RERGL: variants seen among roughly 807,000 people sequenced by gnomAD.
RERGL encodes ras-related and estrogen-regulated growth inhibitor-like protein.
Under a neutral mutation model 24.7 loss-of-function variants are expected in RERGL, and 22 were observed. That is an observed-to-expected ratio of 0.89 (90% CI 0.64 to 1.27). The LOEUF (loss-of-function observed/expected upper bound fraction) is 1.27, where lower values mean the gene tolerates loss of function less well. Among genes scored for constraint, RERGL ranks in the 50% most tolerant of loss-of-function variants. RERGL has a pLI of 0.00. For synonymous variants in RERGL, 76 were observed against 82.6 expected, an observed-to-expected ratio of 0.92 and a Z score of 0.43; for missense variants, 259 against 235.3, an observed-to-expected ratio of 1.10 and a Z score of -0.66.
Position 18,084,661 on chromosome 12 carries a change from T to G in RERGL, c.188A>C (p.Gln63Pro), listed in dbSNP as rs146218371. The G allele has an allele frequency of 1.9e-6, 3 of 1,608,464 alleles. No homozygotes were observed. Among genetic ancestry groups the G allele is most frequent in the Non-Finnish European group, 2.5e-6 (3 of 1,178,280 alleles). Residue 63 changes from glutamine to proline, a missense_variant, in exon 4 of 5, where the codon CAG becomes CCG. By Grantham distance (76) the Gln-to-Pro change is moderately conservative (BLOSUM62 -1). Transcript: ENST00000538724. ...ACTTGTGAGGGAGAATTTTGCTTTC[T>G]GTGTCTGAAAATAAACCAAGTGCAT... is the stretch of plus-strand genomic sequence containing the variant. ...LEIYDPCSQT[Q>P]KAKFSLTSEL...
intron 4 of RERGL, 95 bp from the exon 5 acceptor site, chr12:18,081,568 A>C (rs1438757234): frequency 8.3e-7 from 1 of 1,211,030 alleles, no homozygotes; most frequent in Non-Finnish European, 1.1e-6. Flanking sequence ...AAGGATTATA[A>C]ATCAAAAAAG....
rs1457839004 is a variant in RERGL, at chr12:18,090,151, T to C, written c.-11A>G. 6.5e-7 allele frequency: 1 copy of C among 1,531,316 alleles called. No individual in the cohort carries two copies. Among genetic ancestry groups the C allele is most frequent in the Admixed American group, 2.0e-5 (1 of 49,974 alleles). 94.9% of individuals were successfully genotyped at this position (1,531,316 alleles called of 1,614,324 possible). On this transcript the variant is annotated 5_prime_UTR_variant, in exon 1 of 5. Coordinates refer to ENST00000538724, the MANE Select transcript of RERGL (RefSeq NM_001286201.2). ...CTTCACATCATTCATCTTGCTTTTC[T>C]GCTTCTTGGTCAGTCCTATTTTCTG...
In RERGL at chr12:18,084,558, C is replaced by A. The variant is rs1349958233; in HGVS notation, c.291G>T (p.Leu97=). 1.9e-6 allele frequency: 3 copies of A among 1,611,394 alleles called. No individual in the cohort carries two copies. Among genetic ancestry groups the A allele is most frequent in the Non-Finnish European group, 1.7e-6 (2 of 1,178,886 alleles). The change falls in exon 4 of 5, where the codon CTG becomes CTT. Residue 97 remains leucine (L), a synonymous_variant. Transcript: ENST00000538724. Reference sequence around the variant, plus strand: ...TTTGTGGCTCCCGGATTCTGTAGATCAGCGCTTTTGCAAAAGCAAATGAAG... The same window carrying A: ...TTTGTGGCTCCCGGATTCTGTAGATAAGCGCTTTTGCAAAAGCAAATGAAG... ...DRSSFAFAKA[L]IYRIREPQTS... is the part of the protein sequence containing the mutation.
At chr12:18,081,522 T>G in intron 4 of RERGL, 49 bp from the exon 5 acceptor site, 1 of 1,344,358 alleles carries the variant, frequency 7.4e-7, no homozygotes, top group Non-Finnish European at 9.9e-7. Context: ...AACAACTCTT[T>G]TTTTTAAAAA....
At chr12:18,083,217 G>C (rs559900951) in intron 4 of RERGL, among the ~76,000 whole-genome samples, 1 of 152,118 alleles carries the variant, frequency 6.6e-6, no homozygotes, top group South Asian at 2.1e-4. Flanking sequence ...TAATGAAATA[G>C]TGATATATTT....
intron 2 of RERGL, among the ~76,000 whole-genome samples, chr12:18,087,156 CTGTTT>C (rs1947228550): frequency 3.9e-5 from 6 of 152,150 alleles, no homozygotes; most frequent in Non-Finnish European, 7.4e-5. Context: ...AGTCATCTTT[CTGTTT>C]CCATCCTTCC....
chr12:18,080,904 A>G lies in RERGL; in HGVS notation c.*287T>C, dbSNP rs554244466. 212 of 234,596 alleles carry G rather than the reference A, an allele frequency of 9.0e-4. 1 individual carries two copies. Among genetic ancestry groups the G allele is most frequent in the African/African-American group, 4.6e-3 (206 of 44,904 alleles). 14.5% of individuals were successfully genotyped at this position (234,596 alleles called of 1,614,324 possible). The stretch of plus-strand genomic sequence containing the variant: ...TCGTTTAATAAATTCACATAAACAG[A>G]GTTTATTTGGCAAGGCAAACTGGGA... On this transcript the variant is annotated 3_prime_UTR_variant, in exon 5 of 5. Transcript: ENST00000538724.
intron 3 of RERGL, 130 bp from the exon 4 acceptor site, chr12:18,084,795 A>G: frequency 1.6e-6 from 1 of 624,496 alleles, no homozygotes. Flanking sequence ...GATATTTTCT[A>G]AAATATAGTT....
chr12:18,083,921 G>A (rs1371822858), intron 4 of RERGL, among the ~76,000 whole-genome samples: 4 of 152,146 alleles, frequency 2.6e-5, no homozygotes, highest in Non-Finnish European at 5.9e-5. Context: ...CTTAAACTTT[G>A]ATCTACTAAT....
At chr12:18,083,629 A>G in intron 4 of RERGL, among the ~76,000 whole-genome samples, 1 of 152,164 alleles carries the variant, frequency 6.6e-6, no homozygotes. Flanking sequence ...AAGAATGTAC[A>G]TCATCTAACT....
intron 1 of RERGL, among the ~76,000 whole-genome samples, chr12:18,089,772 T>C (rs1947252885): frequency 6.6e-6 from 1 of 152,098 alleles, no homozygotes; most frequent in Non-Finnish European, 1.5e-5. Flanking sequence ...AAGTGAGAAG[T>C]AGGTGGGATA....
At chr12:18,084,790 T>C (rs534623029) in intron 3 of RERGL, 125 bp from the exon 4 acceptor site, 1 of 658,310 alleles carries the variant, frequency 1.5e-6, no homozygotes, top group South Asian at 3.2e-5. Context: ...ATATTGATAT[T>C]TTCTAAAATA....
intron 1 of RERGL, 125 bp downstream of exon 1, chr12:18,089,963 TA>T (rs1175204449): frequency 3.7e-5 from 23 of 625,546 alleles, no homozygotes; most frequent in Middle Eastern, 3.6e-4. Context: ...CCCAGTGAGA[TA>T]ATGTTATTAT....
intron 2 of RERGL, among the ~76,000 whole-genome samples, 155 bp from the exon 3 acceptor site, chr12:18,085,848 C>CT (rs1174192368): frequency 0.04 from 4,785 of 118,394 alleles, 185 homozygotes; most frequent in Non-Finnish European, 0.045. Flanking sequence ...AGATATGTTT[C>CT]TTTTTTTTTT....
intron 4 of RERGL, among the ~76,000 whole-genome samples, chr12:18,082,010 C>T (rs545769466): frequency 6.6e-6 from 1 of 151,876 alleles, no homozygotes; most frequent in African/African-American, 2.4e-5. Flanking sequence ...CGTGGTTGCA[C>T]GCACTTGTAG....
chr12:18,084,681 G>A lies in RERGL; in HGVS notation c.184-16C>T. On this transcript the variant is annotated splice_polypyrimidine_tract_variant and intron_variant, in intron 3 of 4. Transcript: ENST00000538724. ...CTTTCTGTGTCTGAAAATAAACCAA[G>A]TGCATTAAAAGTGGTGGGATCTAAT... is the stretch of plus-strand genomic sequence containing the variant. 1 of 1,604,128 alleles carries A rather than the reference G, an allele frequency of 6.2e-7. No individual in the cohort carries two copies. The highest frequency in any genetic ancestry group is 1.1e-5 in the South Asian group (1 of 89,406).
At chr12:18,089,986 CAT>C in intron 1 of RERGL, 101 bp downstream of exon 1, 1 of 744,804 alleles carries the variant, frequency 1.3e-6, no homozygotes, top group Non-Finnish European at 2.0e-6. Context: ...GATATATTTT[CAT>C]ATATATGAAA....
chr12:18,086,665 C>T (rs1947225142), intron 2 of RERGL, among the ~76,000 whole-genome samples: 2 of 152,120 alleles, frequency 1.3e-5, no homozygotes, highest in African/African-American at 4.8e-5. Context: ...TCTCACATTT[C>T]AAACATGGAT....
intron 2 of RERGL, among the ~76,000 whole-genome samples, chr12:18,086,319 A>T (rs1184944491): frequency 6.6e-6 from 1 of 151,958 alleles, no homozygotes; most frequent in Non-Finnish European, 1.5e-5. Flanking sequence ...GCTAGTGATG[A>T]TTTCCCCTCA....
Sources: gnomAD v4.1 joint callset for allele counts (sites outside exome capture counted in the v4.1 genomes callset) on GRCh38, gnomAD v4.1.1 for gene constraint, MANE v1.5 for transcripts, NCBI Gene and HGNC (gene_info 2026-07-23, HGNC 2026-07-21) for gene names.